The following NF1 variants were observed in gnomAD, a reference collection of about 807,000 sequenced individuals.
NF1 encodes the protein neurofibromin 1.
In NF1, 122 loss-of-function variants were observed where a neutral mutation model predicts 325.7. The observed-to-expected ratio is 0.37, with a 90% CI of 0.32 to 0.44. The LOEUF (loss-of-function observed/expected upper bound fraction) is 0.44, where lower values mean the gene tolerates loss of function less well. Among genes scored for constraint, NF1 ranks in the 20% least tolerant of loss-of-function variants. The pLI is 1.00. For synonymous variants in NF1, 1,091 were observed against 1,186.0 expected (o/e 0.92, Z 1.65); for missense variants, 2,140 against 3,415.4 (o/e 0.63, Z 9.31).
intron 1 of NF1, among the ~76,000 whole-genome samples, chr17:31,149,373 A>G (rs113332003): frequency 0.012 from 1,845 of 152,056 alleles, 36 homozygotes; most frequent in African/African-American, 0.042. Context: ...GGCTTAGCTC[A>G]CTGCAGCCTC....
At chr17:31,318,273 C>A (rs1244289772) in intron 36 of NF1, 58 of 1,570,934 alleles carry the variant, frequency 3.7e-5, no homozygotes, top group Non-Finnish European at 4.6e-5. Context: ...CTCCATAAGC[C>A]TTCTCATTGC....
At chr17:31,193,851 C>T (rs1382981919) in intron 8 of NF1, among the ~76,000 whole-genome samples, 2 of 152,106 alleles carry the variant, frequency 1.3e-5, no homozygotes, top group East Asian at 1.9e-4. Flanking sequence ...CATCTCACCC[C>T]GGTTAGAATG....
chr17:31,232,652 A>C (rs752125674), intron 25 of NF1, 48 bp from the exon 26 acceptor site: 1 of 1,560,296 alleles, frequency 6.4e-7, no homozygotes, highest in Admixed American at 1.7e-5. Flanking sequence ...TTAGCTTTCT[A>C]GTTGATACGG....
Position 31,282,303 on chromosome 17 carries a change from A to G in NF1, c.4835+16964A>G, listed in dbSNP as rs150700179. ...AGGCTGAGGCAGGAGAATGGCTTGA[A>G]CCTGGGAGGCGGAGCTTGCAGTGAG... On this transcript the variant is annotated intron_variant, in intron 36 of 57. Transcript: ENST00000358273. 8.4e-3 allele frequency among the ~76,000 whole-genome samples: 1,271 copies of G among 151,164 alleles called. 26 individuals are homozygous for G. Among genetic ancestry groups the G allele is most frequent in the African/African-American group, 0.029 (1,212 of 41,126 alleles).
Position 31,131,910 on chromosome 17 carries a change from G to GT in NF1, c.61-24064dup, listed in dbSNP as rs532700158. Among the ~76,000 whole-genome samples the GT allele has an allele frequency of 6.3e-4, 93 of 148,732 alleles. 1 individual carries two copies. Among genetic ancestry groups the GT allele is most frequent in the Admixed American group, 3.9e-3 (58 of 14,924 alleles). ...AATGTTTATTTCTTTATTTTTTCAT[G>GT]TTTTTTTTTCTGTTTGTGTATTTCG... On this transcript the variant is annotated intron_variant, in intron 1 of 57. Transcript: ENST00000358273.
rs985175351 is a variant in NF1 at position 31,116,915 on chromosome 17, G to A, written c.60+21546G>A. Among the ~76,000 whole-genome samples, 14 of 151,462 alleles carry A rather than the reference G, an allele frequency of 9.2e-5. No homozygotes were observed. In the South Asian group the frequency reaches 2.3e-3, roughly 25 times the overall value. ...GATGGTCTCGATCTCCTGACCTCGT[G>A]ATTCACCTTCCTCGGCCTCCCAAAG... is the stretch of plus-strand genomic sequence containing the variant. On this transcript the variant is annotated intron_variant, in intron 1 of 57. Coordinates refer to ENST00000358273, the MANE Select transcript of NF1 (RefSeq NM_001042492.3).
chr17:31,259,876 T>A (rs538690687), intron 33 of NF1, among the ~76,000 whole-genome samples: 124 of 152,346 alleles, frequency 8.1e-4, no homozygotes, highest in African/African-American at 2.6e-3. Flanking sequence ...TAGTTGTTAC[T>A]GACTTTTTTT....
chr17:31,302,855 A>G (rs1316583208), intron 36 of NF1, among the ~76,000 whole-genome samples: 2 of 152,178 alleles, frequency 1.3e-5, no homozygotes, highest in Non-Finnish European at 2.9e-5. Flanking sequence ...GAACAAAAGT[A>G]CTAACTTTGA....
chr17:31,197,143 C>T (rs1483760596), intron 8 of NF1, among the ~76,000 whole-genome samples: 1 of 151,700 alleles, frequency 6.6e-6, no homozygotes, highest in Non-Finnish European at 1.5e-5. Flanking sequence ...CTCCCAGGGT[C>T]ACGCCATTCT....
intron 14 of NF1, 146 bp from the exon 15 acceptor site, chr17:31,221,700 TTCTC>T (rs1282425276): frequency 2.7e-5 from 17 of 637,002 alleles, no homozygotes; most frequent in Non-Finnish European, 4.4e-5. Flanking sequence ...TCACCAGAGT[TTCTC>T]TCTTTTTACC....
At chr17:31,182,048 CT>C (rs1282259089) in intron 7 of NF1, among the ~76,000 whole-genome samples, 1 of 152,090 alleles carries the variant, frequency 6.6e-6, no homozygotes, top group Non-Finnish European at 1.5e-5. Context: ...GTGTTTGGCT[CT>C]TTGTTGTAGA....
intron 21 of NF1, 168 bp downstream of exon 21, chr17:31,229,633 G>A: frequency 2.0e-6 from 2 of 978,904 alleles, no homozygotes; most frequent in Non-Finnish European, 3.1e-6. Flanking sequence ...TGCCTCTTAG[G>A]AACTCTGGTG....
At chr17:31,292,980 C>A (rs2068372643) in intron 36 of NF1, among the ~76,000 whole-genome samples, 1 of 151,720 alleles carries the variant, frequency 6.6e-6, no homozygotes, top group Non-Finnish European at 1.5e-5. Context: ...GAGTTTGAGA[C>A]CAGCCTGGCC....
chr17:31,174,987 T>C (rs1290317538), intron 5 of NF1, among the ~76,000 whole-genome samples: 1 of 150,910 alleles, frequency 6.6e-6, no homozygotes, highest in Non-Finnish European at 1.5e-5. Context: ...CGCACGCCTG[T>C]AATCCCAGCT....
chr17:31,181,519 T>A (rs1475379668), intron 6 of NF1, 30 bp downstream of exon 6: 1 of 1,608,828 alleles, frequency 6.2e-7, no homozygotes, highest in Non-Finnish European at 8.5e-7. Flanking sequence ...GTATTAAAAT[T>A]TTGTTTTTGA....
chr17:31,157,281 G>A (rs182421424), intron 2 of NF1, among the ~76,000 whole-genome samples: 17 of 152,194 alleles, frequency 1.1e-4, no homozygotes, highest in East Asian at 5.8e-4. Context: ...GAGCCACCGC[G>A]CCCAGCCTGC....
intron 38 of NF1, among the ~76,000 whole-genome samples, chr17:31,329,390 T>C (rs1417278589): frequency 6.6e-6 from 1 of 152,116 alleles, no homozygotes; most frequent in Non-Finnish European, 1.5e-5. Context: ...CTGAAGCATG[T>C]CATCCCAGAG....
chr17:31,318,484 G>C (rs2069086153), intron 36 of NF1: 1 of 1,613,906 alleles, frequency 6.2e-7, no homozygotes, highest in Non-Finnish European at 8.5e-7. Flanking sequence ...ATTGCTTCTA[G>C]GCTGACGCTT....
rs1429228455 is a variant in NF1, at chr17:31,216,552, A to G, written c.1527+1967A>G. On this transcript the variant is annotated intron_variant, in intron 13 of 57. Coordinates refer to ENST00000358273, the MANE Select transcript of NF1 (RefSeq NM_001042492.3). ...CCATTTTAGTACTCTCAATTTCTCA[A>G]GCCTCCTAATTACTCAGCTTGCATC... 2.6e-5 allele frequency among the ~76,000 whole-genome samples: 4 copies of G among 152,150 alleles called. No homozygotes were observed. In the East Asian group the frequency reaches 7.7e-4, roughly 29 times the overall value.
Sources: allele counts gnomAD v4.1 joint callset (sites outside exome capture counted in the v4.1 genomes callset), GRCh38; gene constraint gnomAD v4.1.1; transcripts MANE v1.5; gene names NCBI Gene and HGNC (gene_info 2026-07-23, HGNC 2026-07-21).